EIF4G3: variants seen among roughly 807,000 people sequenced by gnomAD.
EIF4G3 encodes the protein eIF-4-gamma 3.
In EIF4G3, 34 loss-of-function variants were observed where a neutral mutation model predicts 186.4. The observed-to-expected ratio is 0.18, with a 90% CI of 0.14 to 0.24. The LOEUF is 0.24. Among genes scored for constraint, EIF4G3 ranks in the 10% least tolerant of loss-of-function variants. EIF4G3 has a pLI of 1.00. For missense variants in EIF4G3, 1,536 were observed against 1,948.5 expected (o/e 0.79, Z 3.99); for synonymous variants, 673 against 679.5 (o/e 0.99, Z 0.15).
chr1:20,880,515 C>T (rs942662315), intron 19 of EIF4G3, among the ~76,000 whole-genome samples: 6 of 152,092 alleles, frequency 3.9e-5, no homozygotes, highest in African/African-American at 1.4e-4. Context: ...CTTGGGAGAC[C>T]GAGGTTGGGT....
intron 4 of EIF4G3, among the ~76,000 whole-genome samples, chr1:21,018,156 G>C (rs904655058): frequency 6.6e-6 from 1 of 151,996 alleles, no homozygotes; most frequent in Non-Finnish European, 1.5e-5. Context: ...ATGTCACCCA[G>C]GCTGGTCTCA....
At chr1:20,972,439 C>T (rs1012913085) in intron 11 of EIF4G3, among the ~76,000 whole-genome samples, 2 of 151,966 alleles carry the variant, frequency 1.3e-5, no homozygotes, top group African/African-American at 4.8e-5. Context: ...TTCGAGATCA[C>T]CCTGGGCAAC....
intron 2 of EIF4G3, among the ~76,000 whole-genome samples, chr1:21,113,767 G>T (rs889281542): frequency 6.6e-6 from 1 of 152,258 alleles, no homozygotes; most frequent in Middle Eastern, 3.4e-3. Context: ...TGTAATCCCA[G>T]TACTTTGGGA....
intron 30 of EIF4G3, among the ~76,000 whole-genome samples, chr1:20,829,821 G>A (rs181997354): frequency 5.3e-5 from 8 of 152,226 alleles, no homozygotes; most frequent in Admixed American, 3.3e-4. Context: ...TACATGTTAC[G>A]AACTGTTCTA....
At chr1:20,843,429 A>C (rs191299310) in intron 29 of EIF4G3, among the ~76,000 whole-genome samples, 205 of 152,076 alleles carry the variant, frequency 1.3e-3, no homozygotes, top group Admixed American at 2.4e-3. Flanking sequence ...AGACAGGAAA[A>C]TCGCTTGAAC....
chr1:21,002,990 CT>C (rs5772933), intron 4 of EIF4G3, among the ~76,000 whole-genome samples, 182 bp from the exon 5 acceptor site: 3,075 of 141,124 alleles, frequency 0.022, 52 homozygotes, highest in Non-Finnish European at 0.028. Context: ...CCTTTTCTTT[CT>C]TTTTTTTTTT....
intron 33 of EIF4G3, among the ~76,000 whole-genome samples, chr1:20,822,468 C>A (rs1000846474): frequency 6.9e-6 from 1 of 145,712 alleles, no homozygotes; most frequent in African/African-American, 2.5e-5. Flanking sequence ...GGAGAACCAG[C>A]TTTTGATTTC....
intron 14 of EIF4G3, among the ~76,000 whole-genome samples, chr1:20,908,035 C>T (rs1232586353): frequency 1.3e-5 from 2 of 151,914 alleles, no homozygotes; most frequent in African/African-American, 4.8e-5. Context: ...TCCTATTTCT[C>T]CACATCCTCT....
intron 26 of EIF4G3, among the ~76,000 whole-genome samples, chr1:20,854,443 C>T (rs1001572396): frequency 2.6e-5 from 4 of 151,374 alleles, no homozygotes; most frequent in Non-Finnish European, 4.4e-5. Context: ...AACTGTAATC[C>T]CAGCACGCAG....
In EIF4G3 at chr1:20,820,561, C is replaced by A. The variant is rs551962657; in HGVS notation, c.4369-3023G>T. Among the ~76,000 whole-genome samples, 6 of 152,294 alleles carry A rather than the reference C, an allele frequency of 3.9e-5. No individual in the cohort carries two copies. The South Asian group carries it at 1.0e-3, about 26-fold the overall frequency. ...GCCCCACCCTCAGGCCAGGGAGGAC[C>A]TGAAGGCTGGGGGCTGGGATGCCAG... On this transcript the variant is annotated intron_variant, in intron 33 of 36. Coordinates refer to ENST00000602326, the MANE Select transcript of EIF4G3 (RefSeq NM_001391906.1).
intron 7 of EIF4G3, among the ~76,000 whole-genome samples, chr1:20,991,021 T>A (rs1487645785): frequency 6.6e-6 from 1 of 152,218 alleles, no homozygotes; most frequent in Non-Finnish European, 1.5e-5. Flanking sequence ...GTGCTATGAT[T>A]TGCTGGCAAG....
chr1:20,871,953 A>G (rs1166972872), intron 20 of EIF4G3, among the ~76,000 whole-genome samples: 2 of 151,990 alleles, frequency 1.3e-5, no homozygotes, highest in African/African-American at 4.8e-5. Context: ...CCTCCCAAGT[A>G]GCTGGCGTGA....
intron 3 of EIF4G3, chr1:21,073,631 G>A (rs762081918): frequency 3.1e-5 from 16 of 518,512 alleles, no homozygotes; most frequent in African/African-American, 2.5e-4. Flanking sequence ...CTGGGCACAC[G>A]CCACATGCAG....
chr1:21,131,171 T>C (rs2097144607), intron 2 of EIF4G3, among the ~76,000 whole-genome samples: 1 of 147,752 alleles, frequency 6.8e-6, no homozygotes. Flanking sequence ...ACCCAGGAGA[T>C]GGAGATTGCA....
At chr1:20,863,270 T>C (rs2154552120) in intron 22 of EIF4G3, among the ~76,000 whole-genome samples, 1 of 151,718 alleles carries the variant, frequency 6.6e-6, no homozygotes, top group African/African-American at 2.4e-5. Flanking sequence ...TAGTGACTGA[T>C]ACCTGTAATC....
intron 3 of EIF4G3, among the ~76,000 whole-genome samples, chr1:21,055,542 G>C (rs917600530): frequency 6.6e-6 from 1 of 152,108 alleles, no homozygotes; most frequent in Non-Finnish European, 1.5e-5. Context: ...ACAGGACACA[G>C]ATAAAATACT....
intron 30 of EIF4G3, among the ~76,000 whole-genome samples, chr1:20,837,288 C>A (rs2067033076): frequency 6.6e-6 from 1 of 152,120 alleles, no homozygotes; most frequent in Non-Finnish European, 1.5e-5. Context: ...TCACTGCAAC[C>A]TCTGACTCCC....
chr1:20,863,362 T>C (rs2076771810), intron 22 of EIF4G3, among the ~76,000 whole-genome samples: 1 of 96,144 alleles, frequency 1.0e-5, no homozygotes, highest in Admixed American at 1.3e-4. Context: ...GTGAGACCCA[T>C]CATCTCTACA....
At chr1:20,949,660 T>C (rs750434343) in intron 13 of EIF4G3, among the ~76,000 whole-genome samples, 8 of 152,220 alleles carry the variant, frequency 5.3e-5, no homozygotes, top group Non-Finnish European at 2.9e-5. Context: ...ACATGCTGAA[T>C]ATATAAGCTA....
Sources: gnomAD v4.1 joint callset for allele counts (sites outside exome capture counted in the v4.1 genomes callset) on GRCh38, gnomAD v4.1.1 for gene constraint, MANE v1.5 for transcripts, NCBI Gene and HGNC (gene_info 2026-07-23, HGNC 2026-07-21) for gene names.